The following NEK4 variants were observed in gnomAD, a reference collection of about 807,000 sequenced individuals.
NEK4 encodes the protein serine/threonine-protein kinase Nek4.
A neutral mutation model predicts 98.4 loss-of-function variants in NEK4; 86 were observed. That is an observed-to-expected ratio of 0.87 (90% CI 0.73 to 1.05). NEK4 has a LOEUF of 1.05. Among genes scored for constraint, NEK4 ranks in the 50% least tolerant of loss-of-function variants. NEK4 has a pLI of 0.00. For synonymous variants in NEK4, 328 were observed against 342.2 expected, an observed-to-expected ratio of 0.96 and a Z score of 0.46; for missense variants, 898 against 950.3, an observed-to-expected ratio of 0.94 and a Z score of 0.72.
intron 13 of NEK4, 55 bp from the exon 14 acceptor site, chr3:52,739,689 T>C: frequency 2.0e-6 from 3 of 1,483,526 alleles, no homozygotes; most frequent in African/African-American, 2.8e-5. Context: ...GAATTTTTCA[T>C]TAAAAAATTA....
intron 6 of NEK4, among the ~76,000 whole-genome samples, chr3:52,759,217 G>C (rs1698255751): frequency 6.6e-6 from 1 of 151,462 alleles, no homozygotes; most frequent in East Asian, 1.9e-4. Flanking sequence ...GACCAGCCTG[G>C]GCAACATAGT....
intron 14 of NEK4, 74 bp from the exon 15 acceptor site, chr3:52,737,793 A>T: frequency 5.6e-6 from 6 of 1,079,532 alleles, no homozygotes; most frequent in Non-Finnish European, 7.8e-6. Flanking sequence ...GCAATTTTTT[A>T]AAATTTTGTA....
At chr3:52,730,730 ATGGT>A (rs1246562447) in intron 15 of NEK4, among the ~76,000 whole-genome samples, 2 of 152,000 alleles carry the variant, frequency 1.3e-5, no homozygotes, top group Non-Finnish European at 2.9e-5. Flanking sequence ...TCTTTCTTAG[ATGGT>A]TGGAAGAATT....
Position 52,739,482 on chromosome 3 carries a change from T to C in NEK4, c.2246A>G (p.His749Arg), listed in dbSNP as rs771533062. 1.3e-5 allele frequency: 21 copies of C among 1,614,046 alleles called. No individual in the cohort carries two copies. The East Asian group carries it at 4.0e-4, about 31-fold the overall frequency. ...CTCTGCCTCTTCTGCAACCTTCCCA[T>C]GAAGTATCAGTGTGTCCCGATATTT... ...HRKYRDTLIL[H>R]GKVAEEAEEI... The change falls in exon 14 of 16, where the codon CAT (histidine) becomes CGT (arginine). Residue 749 changes from histidine to arginine, a missense_variant. Coordinates refer to ENST00000233027, the MANE Select transcript of NEK4 (RefSeq NM_003157.6).
In NEK4 at chr3:52,718,302, G is replaced by T. The variant is rs541800519; in HGVS notation, c.2434-6433C>A. 2.0e-5 allele frequency among the ~76,000 whole-genome samples: 3 copies of T among 151,090 alleles called. No homozygotes were observed. The South Asian group carries it at 6.3e-4, about 32-fold the overall frequency. ...AGCCTGGCCAACATGGTGAAACACT[G>T]TCTCTATTAAAAATACAAAAATTAG... On this transcript the variant is annotated intron_variant, in intron 15 of 15. Transcript: ENST00000233027.
At chr3:52,734,294 A>G (rs2097372837) in intron 15 of NEK4, among the ~76,000 whole-genome samples, 1 of 152,026 alleles carries the variant, frequency 6.6e-6, no homozygotes, top group Non-Finnish European at 1.5e-5. Flanking sequence ...TACTAAATAT[A>G]CAACAATTAG....
chr3:52,728,409 G>A (rs1029661873), intron 15 of NEK4, among the ~76,000 whole-genome samples: 4 of 152,208 alleles, frequency 2.6e-5, no homozygotes, highest in African/African-American at 9.7e-5. Flanking sequence ...AACATAAATT[G>A]TGAAGATTTC....
At chr3:52,731,059 T>C (rs886234647) in intron 15 of NEK4, among the ~76,000 whole-genome samples, 3 of 152,178 alleles carry the variant, frequency 2.0e-5, no homozygotes, top group Non-Finnish European at 4.4e-5. Context: ...TTTATTACAA[T>C]TTAAAAAAAT....
intron 15 of NEK4, among the ~76,000 whole-genome samples, chr3:52,723,470 G>C (rs938020668): frequency 7.2e-5 from 11 of 152,076 alleles, no homozygotes; most frequent in Admixed American, 7.2e-4. Flanking sequence ...TCGAACTCCT[G>C]ACCTTAAGTC....
intron 15 of NEK4, among the ~76,000 whole-genome samples, chr3:52,721,399 T>C (rs2097359951): frequency 6.6e-6 from 1 of 152,070 alleles, no homozygotes; most frequent in African/African-American, 2.4e-5. Flanking sequence ...TTTTTTCTTT[T>C]CCCCCTTTTG....
chr3:52,767,823 G>A (rs147713673), intron 2 of NEK4, among the ~76,000 whole-genome samples: 5 of 151,978 alleles, frequency 3.3e-5, no homozygotes, highest in East Asian at 3.9e-4. Context: ...TAAACGTCTC[G>A]CTTTTGAGTT....
Position 52,715,335 on chromosome 3 carries a change from C to T in NEK4, c.2434-3466G>A, listed in dbSNP as rs191417724. Among the ~76,000 whole-genome samples, 16 of 152,318 alleles carry T rather than the reference C, an allele frequency of 1.1e-4. No homozygotes were observed. The East Asian group carries it at 2.5e-3, about 24-fold the overall frequency. On this transcript the variant is annotated intron_variant, in intron 15 of 15. Coordinates refer to ENST00000233027, the MANE Select transcript of NEK4 (RefSeq NM_003157.6). Reference sequence around the variant, plus strand: ...AAGATGAGCGGGGCTAAATACTCCACGAGACACCCTGTCTATGGAAAGGAG... The same window carrying T: ...AAGATGAGCGGGGCTAAATACTCCATGAGACACCCTGTCTATGGAAAGGAG...
intron 8 of NEK4, chr3:52,747,328 A>G (rs887563871): frequency 2.3e-5 from 4 of 176,604 alleles, no homozygotes; most frequent in African/African-American, 7.2e-5. Context: ...GGTGGCACGC[A>G]CCTGTAATCC....
At chr3:52,718,916 C>T (rs1201114208) in intron 15 of NEK4, among the ~76,000 whole-genome samples, 4 of 152,204 alleles carry the variant, frequency 2.6e-5, no homozygotes, top group Non-Finnish European at 5.9e-5. Context: ...CCCCACCACG[C>T]CTGGCTAATT....
intron 15 of NEK4, among the ~76,000 whole-genome samples, chr3:52,731,874 A>G (rs1306325590): frequency 6.6e-6 from 1 of 152,226 alleles, no homozygotes; most frequent in Non-Finnish European, 1.5e-5. Context: ...GGCGGGAGGT[A>G]AGTGAATCAT....
chr3:52,738,722 A>G (rs1351815504), intron 14 of NEK4, among the ~76,000 whole-genome samples: 1 of 152,296 alleles, frequency 6.6e-6, no homozygotes, highest in Middle Eastern at 3.4e-3. Flanking sequence ...AAGTATAGGC[A>G]TGAGCCACCG....
intron 10 of NEK4, among the ~76,000 whole-genome samples, chr3:52,744,683 C>CAAA (rs567707729): frequency 2.3e-4 from 19 of 81,106 alleles, no homozygotes; most frequent in South Asian, 4.8e-4. Flanking sequence ...GACTCCATCT[C>CAAA]AAAAAAAAAA....
chr3:52,715,807 G>A (rs2097354629), intron 15 of NEK4, among the ~76,000 whole-genome samples: 1 of 152,248 alleles, frequency 6.6e-6, no homozygotes, highest in Non-Finnish European at 1.5e-5. Flanking sequence ...TAAAAGAACT[G>A]TAAACAAACA....
chr3:52,753,470 G>A (rs1382569901), intron 6 of NEK4: 2 of 384,966 alleles, frequency 5.2e-6, no homozygotes, highest in Admixed American at 6.5e-5. Context: ...ATTGAATGCT[G>A]AGGACGGAAG....
Sources: gnomAD v4.1 joint callset for allele counts (sites outside exome capture counted in the v4.1 genomes callset) on GRCh38, gnomAD v4.1.1 for gene constraint, MANE v1.5 for transcripts, NCBI Gene and HGNC (gene_info 2026-07-23, HGNC 2026-07-21) for gene names.